RGL3: variants seen among roughly 807,000 people sequenced by gnomAD.
RGL3 encodes ral guanine nucleotide dissociation stimulator like 3.
Under a neutral mutation model 90.6 loss-of-function variants are expected in RGL3, and 85 were observed. That is an observed-to-expected ratio of 0.94 (90% confidence interval 0.79 to 1.12). RGL3 has a LOEUF of 1.12. RGL3 is among the 50% of genes most tolerant of loss of function. The pLI is 0.00. For missense variants in RGL3, 1,034 were observed against 939.2 expected (o/e 1.10, Z -1.32); for synonymous variants, 408 against 385.5 (o/e 1.06, Z -0.68).
chr19:11,402,169 A>ACCCC, intron 12 of RGL3, 37 bp from the exon 13 acceptor site: 2 of 895,414 alleles, frequency 2.2e-6, no homozygotes, highest in Admixed American at 2.1e-5. Context: ...CCCCTGCCCC[A>ACCCC]CCCCCACCCT....
chr19:11,398,244 G>A (rs1219000964), intron 16 of RGL3, among the ~76,000 whole-genome samples: 3 of 152,104 alleles, frequency 2.0e-5, no homozygotes, highest in African/African-American at 7.2e-5. Context: ...TATGCTGACA[G>A]CGGTTATACA....
intron 16 of RGL3, 141 bp downstream of exon 16, chr19:11,399,714 A>G (rs1599430518): frequency 4.2e-6 from 2 of 481,632 alleles, no homozygotes; most frequent in Admixed American, 4.1e-5. Context: ...CTGGATGGAT[A>G]CCCCGGGCGC....
rs764130130 is a variant in RGL3, at chr19:11,416,824, T to C, written c.371+12A>G. Reference sequence around the variant, plus strand: ...AGGGTGGAGAATACGGAGGTTATGGTTCGCTACTGACCCGGGAGGTGGGGG... The same window carrying C: ...AGGGTGGAGAATACGGAGGTTATGGCTCGCTACTGACCCGGGAGGTGGGGG... On this transcript the variant is annotated intron_variant, in intron 3 of 18. Transcript: ENST00000380456. 5.0e-6 allele frequency: 8 copies of C among 1,612,818 alleles called. No homozygotes were observed. The East Asian group carries it at 1.8e-4, about 36-fold the overall frequency.
rs760662137 is a variant in RGL3 at position 11,405,346 on chromosome 19, C to T, written c.1077G>A (p.Lys359=). ...ACCGGCTCACTGCCCCCCAGCTGCG[C>T]TTGAGCCGGTAGATGGGGTTAGATT... ...ALQSNPIYRL[K]RSWGAVSREP... Residue 359 remains lysine, a synonymous_variant, in exon 8 of 19, where the codon AAG becomes AAA. Transcript: ENST00000380456. 3 of 1,613,024 alleles carry T rather than the reference C, an allele frequency of 1.9e-6. No individual in the cohort carries two copies. The Admixed American group carries it at 5.0e-5, about 27-fold the overall frequency.
intron 3 of RGL3, 34 bp downstream of exon 3, chr19:11,416,802 G>A (rs1443369863): frequency 6.2e-7 from 1 of 1,610,250 alleles, no homozygotes; most frequent in Admixed American, 1.7e-5. Flanking sequence ...GGGTTCTAGG[G>A]TGGAGAATAC....
At chr19:11,396,117 TC>T (rs1968561744) in intron 18 of RGL3, among the ~76,000 whole-genome samples, 3 of 52,658 alleles carry the variant, frequency 5.7e-5, no homozygotes, top group South Asian at 6.8e-4. Flanking sequence ...TCTCTCTCTC[TC>T]TCTCTCTCTC....
Position 11,394,162 on chromosome 19 carries a change from C to A in RGL3, c.*240G>T. On this transcript the variant is annotated 3_prime_UTR_variant, in exon 19 of 19. Coordinates refer to ENST00000380456, the MANE Select transcript of RGL3 (RefSeq NM_001035223.4). Reference sequence around the variant, plus strand: ...GGAGGGATTTGACGTATCCATGCCCCACCTCTTTCTACATTTATGGGATTG... The same window carrying A: ...GGAGGGATTTGACGTATCCATGCCCAACCTCTTTCTACATTTATGGGATTG... 2.1e-6 allele frequency: 1 copy of A among 472,896 alleles called. No individual in the cohort carries two copies. The highest frequency in any genetic ancestry group is 3.9e-6 in the Non-Finnish European group (1 of 258,630). 29.3% of individuals were successfully genotyped at this position (472,896 alleles called of 1,614,324 possible).
chr19:11,399,986 G>A (rs1244988671), intron 15 of RGL3, 35 bp from the exon 16 acceptor site: 7 of 1,582,446 alleles, frequency 4.4e-6, no homozygotes, highest in Admixed American at 1.9e-5. Context: ...TGGGGTGGCT[G>A]TGCTGACTCC....
At position 11,399,896 on chromosome 19, in the gene RGL3, T is replaced by C; in HGVS notation, c.1705A>G (p.Ser569Gly). ...TGGGGCCCTGGAGAGGCCGGGGGACTGCCAGCAGGAGCATCTCTGCTTCTA... is the reference window on the plus strand; with the variant it reads ...TGGGGCCCTGGAGAGGCCGGGGGACCGCCAGCAGGAGCATCTCTGCTTCTA... ...SPRSRDAPAG[S>G]PPASPGPQGP... Residue 569 changes from serine to glycine, a missense_variant, in exon 16 of 19, where the codon AGT (serine) becomes GGT (glycine). Coordinates refer to ENST00000380456, the MANE Select transcript of RGL3 (RefSeq NM_001035223.4). 1 of 1,520,958 alleles carries C rather than the reference T, an allele frequency of 6.6e-7. No homozygotes were observed. Among genetic ancestry groups the C allele is most frequent in the Non-Finnish European group, 8.8e-7 (1 of 1,138,166 alleles). 94.2% of individuals were successfully genotyped at this position (1,520,958 alleles called of 1,614,324 possible). A position where few individuals can be genotyped will look rare whatever the true frequency, so the allele number is the denominator to read the frequency against.
At position 11,402,581 on chromosome 19, in the gene RGL3, G is replaced by C. The variant is rs1467345557; in HGVS notation, c.1243-40C>G. 2.5e-6 allele frequency: 4 copies of C among 1,610,600 alleles called. No homozygotes were observed. The African/African-American group carries it at 5.4e-5, about 22-fold the overall frequency. On this transcript the variant is annotated intron_variant, in intron 10 of 18. Coordinates refer to ENST00000380456, the MANE Select transcript of RGL3 (RefSeq NM_001035223.4). Reference sequence around the variant, plus strand: ...GCTCCAGTCACTTGGGGCCATTACTGACCCCATCACCATCCACAACCCTCC... The same window carrying C: ...GCTCCAGTCACTTGGGGCCATTACTCACCCCATCACCATCCACAACCCTCC...
intron 9 of RGL3, among the ~76,000 whole-genome samples, chr19:11,403,204 T>G (rs1968711062): frequency 6.6e-6 from 1 of 151,066 alleles, no homozygotes; most frequent in Admixed American, 6.6e-5. Flanking sequence ...CCCAGCTAAT[T>G]TTTTGTATTT....
At chr19:11,403,908 GTCT>G (rs1968724741) in intron 9 of RGL3, among the ~76,000 whole-genome samples, 1 of 152,116 alleles carries the variant, frequency 6.6e-6, no homozygotes, top group South Asian at 2.1e-4. Flanking sequence ...TTGAGATGGA[GTCT>G]CACTTTGTCA....
intron 18 of RGL3, among the ~76,000 whole-genome samples, chr19:11,394,856 G>A (rs571363508): frequency 2.2e-4 from 34 of 152,126 alleles, no homozygotes; most frequent in African/African-American, 7.7e-4. Flanking sequence ...TTGGGAGGCC[G>A]AAGTGGGTGG....
intron 18 of RGL3, 26 bp downstream of exon 18, chr19:11,397,218 C>G (rs1431078646): frequency 1.2e-6 from 2 of 1,604,124 alleles, no homozygotes; most frequent in Non-Finnish European, 1.7e-6. Flanking sequence ...GCCCCCTATC[C>G]TGAGCTCCAA....
intron 4 of RGL3, 104 bp from the exon 5 acceptor site, chr19:11,416,252 T>C (rs1353853760): frequency 4.4e-6 from 4 of 905,864 alleles, no homozygotes; most frequent in Non-Finnish European, 4.8e-6. Context: ...AGAGTCTTAC[T>C]GTGTCACCAA....
intron 5 of RGL3, among the ~76,000 whole-genome samples, chr19:11,407,938 G>A (rs1599437779): frequency 1.3e-5 from 2 of 150,458 alleles, no homozygotes; most frequent in Admixed American, 6.6e-5. Context: ...TGCCTGCCTC[G>A]ACTTCCCAAA....
intron 2 of RGL3, among the ~76,000 whole-genome samples, chr19:11,418,063 C>A (rs1348100436): frequency 6.6e-5 from 10 of 152,066 alleles, no homozygotes; most frequent in Admixed American, 6.6e-4. Context: ...TCCTGGCCTT[C>A]TGCCTTGGTC....
At chr19:11,396,055 G>C (rs1310281149) in intron 18 of RGL3, among the ~76,000 whole-genome samples, 1 of 131,240 alleles carries the variant, frequency 7.6e-6, no homozygotes, top group Non-Finnish European at 1.6e-5. Flanking sequence ...AGCCTCCCCA[G>C]TAGTTGGAGT....
intron 4 of RGL3, 34 bp downstream of exon 4, chr19:11,416,580 T>TC (rs1969002497): frequency 6.2e-7 from 1 of 1,604,566 alleles, no homozygotes; most frequent in Non-Finnish European, 8.5e-7. Flanking sequence ...TGGATTTCCC[T>TC]CCCCGCACTC....
Sources: gnomAD v4.1 joint callset for allele counts (sites outside exome capture counted in the v4.1 genomes callset) on GRCh38, gnomAD v4.1.1 for gene constraint, MANE v1.5 for transcripts, NCBI Gene and HGNC (gene_info 2026-07-23, HGNC 2026-07-21) for gene names.